USH2A: variants seen among roughly 807,000 people sequenced by gnomAD.
The protein encoded by USH2A is usherin.
In USH2A, 443 loss-of-function variants were observed where a neutral mutation model predicts 538.9. The ratio of observed to expected loss-of-function variants is 0.82; its 90% CI spans 0.76 to 0.89. The LOEUF is 0.89. Among genes scored for constraint, USH2A ranks in the 40% least tolerant of loss-of-function variants. The pLI, the probability that USH2A is intolerant of heterozygous loss-of-function variation, is 0.00. For missense variants in USH2A, 6,633 were observed against 6,324.8 expected (o/e 1.05, Z -1.65); for synonymous variants, 2,413 against 2,273.5 (o/e 1.06, Z -1.75).
chr1:216,352,749 T>C (rs538830698), intron 4 of USH2A, among the ~76,000 whole-genome samples: 2 of 152,262 alleles, frequency 1.3e-5, no homozygotes, highest in South Asian at 4.1e-4. Flanking sequence ...CAAGATATTC[T>C]TGGTCAGATC....
intron 35 of USH2A, among the ~76,000 whole-genome samples, chr1:215,990,760 C>CTTT (rs35293238): frequency 3.5e-4 from 40 of 114,562 alleles, no homozygotes; most frequent in South Asian, 1.2e-3. Context: ...CTTAATTTTC[C>CTTT]TTTTTTTTTT....
chr1:215,887,398 G>T (rs1371820666), intron 41 of USH2A, among the ~76,000 whole-genome samples: 4 of 151,610 alleles, frequency 2.6e-5, no homozygotes, highest in African/African-American at 7.3e-5. Context: ...TTTGTTTTTG[G>T]TTTTGTTTTT....
intron 16 of USH2A, among the ~76,000 whole-genome samples, chr1:216,201,411 C>A (rs368494716): frequency 6.6e-6 from 1 of 151,288 alleles, no homozygotes; most frequent in East Asian, 2.0e-4. Context: ...CGGGTTCAAG[C>A]GATTCTCCTG....
chr1:216,390,073 T>C (rs1558067251), intron 3 of USH2A, among the ~76,000 whole-genome samples: 1 of 152,072 alleles, frequency 6.6e-6, no homozygotes, highest in Non-Finnish European at 1.5e-5. Context: ...TTTTGAAAAA[T>C]ATTTTACCTA....
At chr1:216,242,430 G>C (rs1300437459) in intron 13 of USH2A, among the ~76,000 whole-genome samples, 1 of 151,704 alleles carries the variant, frequency 6.6e-6, no homozygotes, top group South Asian at 2.1e-4. Flanking sequence ...CACACAATAA[G>C]GGGTTCATTT....
chr1:215,632,542 T>C (rs964290905), intron 70 of USH2A, among the ~76,000 whole-genome samples: 1 of 152,200 alleles, frequency 6.6e-6, no homozygotes, highest in Non-Finnish European at 1.5e-5. Context: ...CAGGAGAAAG[T>C]ATCACTGAAA....
At position 215,786,842 on chromosome 1, in the gene USH2A, T is replaced by C; in HGVS notation, c.10215A>G (p.Ala3405=). The change falls in exon 52 of 72, where the codon GCA becomes GCG. Residue 3405 remains alanine, a synonymous_variant. Transcript: ENST00000307340. ...CACAATGTTCTGTGGCTTCCATAGA[T>C]GCTGGGCAGAGGATCCTGCACTCTT... The part of the protein sequence containing the change: ...ETKECRILCP[A]SMEATEHCGR... The C allele has an allele frequency of 6.2e-7, 1 of 1,613,966 alleles. No homozygotes were observed. Among genetic ancestry groups the C allele is most frequent in the Non-Finnish European group, 8.5e-7 (1 of 1,179,914 alleles).
chr1:216,356,946 T>C (rs2038401553), intron 4 of USH2A, among the ~76,000 whole-genome samples: 1 of 152,120 alleles, frequency 6.6e-6, no homozygotes, highest in South Asian at 2.1e-4. Flanking sequence ...TGCCAAACTA[T>C]CAAGTACAAA....
In USH2A at chr1:216,249,865, CGT is replaced by C. The variant is rs200704283; in HGVS notation, c.2167+1036_2167+1037del. ...ATATGCATGTGTACATGTAAGCATT[CGT>C]GTGTGTGTGTGAGAGAGAGAGAGAG... On this transcript the variant is annotated intron_variant, in intron 12 of 71. Transcript: ENST00000307340. Among the ~76,000 whole-genome samples the C allele has an allele frequency of 9.2e-3, 1,393 of 151,302 alleles. 17 individuals are homozygous for C. The highest frequency in any genetic ancestry group is 0.033 in the African/African-American group (1,346 of 41,288).
intron 17 of USH2A, among the ~76,000 whole-genome samples, chr1:216,198,863 C>A (rs1052039224): frequency 6.6e-6 from 1 of 152,000 alleles, no homozygotes; most frequent in African/African-American, 2.4e-5. Flanking sequence ...AACACATAGA[C>A]AAAAAATAAC....
chr1:215,932,377 T>C (rs1666387457), intron 38 of USH2A, among the ~76,000 whole-genome samples: 1 of 152,020 alleles, frequency 6.6e-6, no homozygotes, highest in South Asian at 2.1e-4. Flanking sequence ...TTAATTCTAC[T>C]TAAACACACA....
intron 49 of USH2A, among the ~76,000 whole-genome samples, chr1:215,804,628 G>C (rs989380612): frequency 1.3e-5 from 2 of 148,960 alleles, no homozygotes; most frequent in African/African-American, 5.1e-5. Context: ...AAAAAGTCAG[G>C]AAACAACAGG....
intron 35 of USH2A, among the ~76,000 whole-genome samples, chr1:215,982,350 G>A (rs1320697111): frequency 6.6e-6 from 1 of 152,174 alleles, no homozygotes; most frequent in African/African-American, 2.4e-5. Flanking sequence ...TCTAGTATGA[G>A]TTAAAGTTTT....
At chr1:215,843,313 G>A (rs1488903691) in intron 46 of USH2A, among the ~76,000 whole-genome samples, 1 of 152,066 alleles carries the variant, frequency 6.6e-6, no homozygotes, top group African/African-American at 2.4e-5. Flanking sequence ...TAAATTGCAA[G>A]CTTTCTCTAA....
At chr1:215,847,657 A>G (rs564929821) in intron 44 of USH2A, among the ~76,000 whole-genome samples, 74 of 152,174 alleles carry the variant, frequency 4.9e-4, no homozygotes, top group Non-Finnish European at 9.1e-4. Context: ...GAAAAAAAAA[A>G]AAAGAAAAAA....
In USH2A at chr1:215,692,083, G is replaced by T. The variant is rs139455202; in HGVS notation, c.12067-11707C>A. On this transcript the variant is annotated intron_variant, in intron 61 of 71. Coordinates refer to ENST00000307340, the MANE Select transcript of USH2A (RefSeq NM_206933.4). ...CTGAGAGAAGAGGGTATTTTTTAAA[G>T]AAGTGTGGTAAGCAGTGTCAAATGC... is the stretch of plus-strand genomic sequence containing the variant. 7.2e-5 allele frequency among the ~76,000 whole-genome samples: 11 copies of T among 152,322 alleles called. No homozygotes were observed. The East Asian group carries it at 2.1e-3, about 29-fold the overall frequency.
At chr1:216,024,170 A>G (rs1371658535) in intron 32 of USH2A, among the ~76,000 whole-genome samples, 1 of 152,150 alleles carries the variant, frequency 6.6e-6, no homozygotes, top group African/African-American at 2.4e-5. Flanking sequence ...TTAGGGAAAC[A>G]AAATGAAACA....
chr1:215,750,963 C>T (rs1358229804), intron 58 of USH2A, among the ~76,000 whole-genome samples: 1 of 152,106 alleles, frequency 6.6e-6, no homozygotes, highest in Non-Finnish European at 1.5e-5. Flanking sequence ...AAATAAAATA[C>T]AAACCACTGA....
At position 216,245,663 on chromosome 1, in the gene USH2A, A is replaced by C. The variant is rs1476793771; in HGVS notation, c.2809+922T>G. On this transcript the variant is annotated intron_variant, in intron 13 of 71. Transcript: ENST00000307340. Reference sequence around the variant, plus strand: ...GTTCAAGTTGTTTTTTAATACTTACATCACAAAAAGAATGAACTCTTCATC... The same window carrying C: ...GTTCAAGTTGTTTTTTAATACTTACCTCACAAAAAGAATGAACTCTTCATC... Among the ~76,000 whole-genome samples the C allele has an allele frequency of 4.6e-5, 7 of 152,176 alleles. No individual in the cohort carries two copies. The East Asian group carries it at 1.2e-3, about 25-fold the overall frequency.
Sources: allele counts gnomAD v4.1 joint callset (sites outside exome capture counted in the v4.1 genomes callset), GRCh38; gene constraint gnomAD v4.1.1; transcripts MANE v1.5; gene names NCBI Gene and HGNC (gene_info 2026-07-23, HGNC 2026-07-21).